Variants in C2orf15 observed in about 807,000 individuals in gnomAD.
C2orf15 encodes chromosome 2 open reading frame 15.
A neutral mutation model predicts 4.4 loss-of-function variants in C2orf15; 3 were observed. The observed-to-expected ratio is 0.67, with a 90% confidence interval of 0.31 to 1.74. The LOEUF (loss-of-function observed/expected upper bound fraction) is 1.74. Ranked by LOEUF, C2orf15 falls within the 40% of genes most tolerant of loss-of-function variation. C2orf15 has a pLI of 0.09. For synonymous variants in C2orf15, 37 were observed against 36.8 expected (o/e 1.00, Z -0.02); for missense variants, 90 against 103.3 (o/e 0.87, Z 0.56).
intron 3 of C2orf15, 64 bp downstream of exon 3, chr2:99,147,557 T>G: frequency 3.5e-6 from 5 of 1,419,010 alleles, no homozygotes; most frequent in Non-Finnish European, 4.9e-6. Flanking sequence ...TTTTATTAGA[T>G]TGAAGTTTAA....
chr2:99,150,841 T>C lies in C2orf15; in HGVS notation c.*7T>C, dbSNP rs144085307. 19,101 of 1,558,080 alleles carry C rather than the reference T, an allele frequency of 0.012. 172 individuals carry two copies. The highest frequency in any genetic ancestry group is 0.019 in the South Asian group (1,595 of 82,856). ...AATGACAGATGTGGAATGAAGCAAT[T>C]TGTACGTATTACCAAAGAAACCAAA... is the stretch of plus-strand genomic sequence containing the variant. On this transcript the variant is annotated 3_prime_UTR_variant, in exon 4 of 4. Transcript: ENST00000650052.
chr2:99,147,856 CCTAA>C lies in C2orf15; in HGVS notation c.-77+367_-77+370del, dbSNP rs538713614. On this transcript the variant is annotated intron_variant, in intron 3 of 3. Transcript: ENST00000650052. ...CAAGTTGCAGATACAATTCTTCACCCCTAACTATTTCAGTATGTATTTCCTAAGA... is the reference window on the plus strand; with the variant it reads ...CAAGTTGCAGATACAATTCTTCACCCCTATTTCAGTATGTATTTCCTAAGA... Among the ~76,000 whole-genome samples, 6 of 152,248 alleles carry C rather than the reference CCTAA, an allele frequency of 3.9e-5. No individual in the cohort carries two copies. In the South Asian group the frequency reaches 1.2e-3, roughly 32 times the overall value.
chr2:99,149,423 C>T (rs1047745726), intron 3 of C2orf15, among the ~76,000 whole-genome samples: 2 of 151,186 alleles, frequency 1.3e-5, no homozygotes, highest in Non-Finnish European at 2.9e-5. Context: ...CAAGGCCTCC[C>T]TCCATGCTAC....
At position 99,150,789 on chromosome 2, in the gene C2orf15, A is replaced by T. The variant is rs914136288; in HGVS notation, c.231A>T (p.Val77=). The T allele has an allele frequency of 1.3e-5, 21 of 1,605,752 alleles. No homozygotes were observed. The highest frequency in any genetic ancestry group is 1.8e-5 in the Non-Finnish European group (21 of 1,177,914). The change falls in exon 4 of 4, where the codon GTA becomes GTT. Residue 77 remains valine (V), a synonymous_variant. Coordinates refer to ENST00000650052, the MANE Select transcript of C2orf15 (RefSeq NM_144706.4). Reference sequence around the variant, plus strand: ...CTGGGAAAGCCTTGGGTTCAGTGGTATATGTCAAAGAAAGTGATGGACTAG... The same window carrying T: ...CTGGGAAAGCCTTGGGTTCAGTGGTTTATGTCAAAGAAAGTGATGGACTAG... ...SLSGKALGSV[V]YVKESDGLEM...
intron 2 of C2orf15, among the ~76,000 whole-genome samples, chr2:99,144,340 CAG>C (rs907942614): frequency 2.6e-5 from 4 of 151,854 alleles, no homozygotes; most frequent in African/African-American, 7.3e-5. Flanking sequence ...TTTTTTAAAT[CAG>C]AGAGTTTCCT....
At chr2:99,144,963 C>A (rs147278088) in intron 2 of C2orf15, among the ~76,000 whole-genome samples, 2 of 152,288 alleles carry the variant, frequency 1.3e-5, no homozygotes, top group Non-Finnish European at 2.9e-5. Flanking sequence ...TTTGCTACGG[C>A]TGTGCAACAA....
intron 2 of C2orf15, among the ~76,000 whole-genome samples, chr2:99,144,846 G>A (rs1432661883): frequency 6.6e-6 from 1 of 152,106 alleles, no homozygotes; most frequent in Non-Finnish European, 1.5e-5. Flanking sequence ...AGGTCCTGAA[G>A]CAGGAGAAGG....
In C2orf15 at chr2:99,143,180, C is replaced by T. The variant is rs1311114465; in HGVS notation, c.-169+779C>T. ...TTTTTGAGACAGAGTCTCACTCTGT[C>T]GCCCAGGCTGGAGTGCAGTGGCACG... On this transcript the variant is annotated intron_variant, in intron 2 of 3. Transcript: ENST00000650052. 2.9e-4 allele frequency among the ~76,000 whole-genome samples: 40 copies of T among 135,708 alleles called. No individual in the cohort carries two copies. The South Asian group carries it at 8.6e-3, about 29-fold the overall frequency. 89.0% of individuals were successfully genotyped at this position (135,708 alleles called of 152,430 possible). A position where few individuals can be genotyped will look rare whatever the true frequency, so the allele number is the denominator to read the frequency against.
Position 99,147,385 on chromosome 2 carries a change from T to A in C2orf15, c.-168-17T>A, listed in dbSNP as rs2093642952. On this transcript the variant is annotated splice_polypyrimidine_tract_variant and intron_variant, in intron 2 of 3. Coordinates refer to ENST00000650052, the MANE Select transcript of C2orf15 (RefSeq NM_144706.4). ...TTTATCTCTTTATGTACCTTTATTC[T>A]TACATATATATTCCAGATTTCTTCT... 7.7e-7 allele frequency: 1 copy of A among 1,296,636 alleles called. No individual in the cohort carries two copies. Among genetic ancestry groups the A allele is most frequent in the Admixed American group, 1.7e-5 (1 of 58,496 alleles). 80.3% of individuals were successfully genotyped at this position (1,296,636 alleles called of 1,614,324 possible).
chr2:99,145,652 C>G (rs1199016103), intron 2 of C2orf15, among the ~76,000 whole-genome samples: 3 of 152,036 alleles, frequency 2.0e-5, no homozygotes, highest in African/African-American at 7.2e-5. Flanking sequence ...TGATTAGCAA[C>G]CTTAATTCCC....
intron 3 of C2orf15, among the ~76,000 whole-genome samples, chr2:99,148,070 A>G (rs2093650200): frequency 6.6e-6 from 1 of 152,196 alleles, no homozygotes; most frequent in Non-Finnish European, 1.5e-5. Context: ...GAAATAATGT[A>G]TCTTTAGCCT....
chr2:99,147,234 CAA>C (rs2093641545), intron 2 of C2orf15, 166 bp from the exon 3 acceptor site: 5 of 465,906 alleles, frequency 1.1e-5, no homozygotes. Flanking sequence ...CTGCTGGACT[CAA>C]GAGATCTTTC....
At chr2:99,143,766 T>G (rs2093602482) in intron 2 of C2orf15, among the ~76,000 whole-genome samples, 1 of 152,096 alleles carries the variant, frequency 6.6e-6, no homozygotes, top group African/African-American at 2.4e-5. Flanking sequence ...CCACTGTGCC[T>G]GGCCCAGGCT....
At chr2:99,149,815 A>G (rs1399108551) in intron 3 of C2orf15, among the ~76,000 whole-genome samples, 21 of 109,146 alleles carry the variant, frequency 1.9e-4, no homozygotes, top group South Asian at 3.0e-4. Context: ...TTTTTAAGAC[A>G]GAGTCTCGCT....
intron 2 of C2orf15, among the ~76,000 whole-genome samples, chr2:99,143,394 C>T (rs1302062208): frequency 2.0e-5 from 3 of 151,628 alleles, no homozygotes; most frequent in Admixed American, 1.3e-4. Flanking sequence ...CTCCTGACCT[C>T]ATGATCCACC....
intron 2 of C2orf15, among the ~76,000 whole-genome samples, chr2:99,146,273 TG>T (rs2093631094): frequency 6.6e-6 from 1 of 152,232 alleles, no homozygotes; most frequent in African/African-American, 2.4e-5. Context: ...ATTATCTGTT[TG>T]GGATTCCTCA....
intron 2 of C2orf15, among the ~76,000 whole-genome samples, chr2:99,144,421 A>C (rs1574755871): frequency 6.6e-6 from 1 of 151,162 alleles, no homozygotes; most frequent in African/African-American, 2.4e-5. Flanking sequence ...CCTGTTTCTC[A>C]AGGATCACTC....
intron 1 of C2orf15, 82 bp from the exon 2 acceptor site, chr2:99,142,203 T>G (rs1352375485): frequency 1.3e-5 from 2 of 152,278 alleles, no homozygotes; most frequent in Admixed American, 6.5e-5. Flanking sequence ...TTCTTAATTT[T>G]TCTTAATACC....
At chr2:99,143,187 G>A (rs1241828424) in intron 2 of C2orf15, among the ~76,000 whole-genome samples, 2 of 139,134 alleles carry the variant, frequency 1.4e-5, no homozygotes, top group Non-Finnish European at 3.0e-5. Flanking sequence ...TGTCGCCCAG[G>A]CTGGAGTGCA....
Sources: gnomAD v4.1 joint callset for allele counts (sites outside exome capture counted in the v4.1 genomes callset) on GRCh38, gnomAD v4.1.1 for gene constraint, MANE v1.5 for transcripts, NCBI Gene and HGNC (gene_info 2026-07-23, HGNC 2026-07-21) for gene names.